The following ACSM4 variants were observed in gnomAD, a reference collection of about 807,000 sequenced individuals.
ACSM4 encodes acyl-coenzyme A synthetase ACSM4, mitochondrial.
A neutral mutation model predicts 73.0 loss-of-function variants in ACSM4; 66 were observed. The ratio of observed to expected loss-of-function variants is 0.90; its 90% CI spans 0.74 to 1.11. The LOEUF (loss-of-function observed/expected upper bound fraction) is 1.11. Among genes scored for constraint, ACSM4 ranks in the 50% least tolerant of loss-of-function variants. ACSM4 has a pLI of 0.00. For missense variants in ACSM4, 645 were observed against 714.4 expected (o/e 0.90, Z 1.11); for synonymous variants, 222 against 254.0 (o/e 0.87, Z 1.20).
rs1386641568 is a variant in ACSM4, at chr12:7,327,106, T to C, written c.1656+11T>C. The C allele has an allele frequency of 6.3e-7, 1 of 1,588,424 alleles. No individual in the cohort carries two copies. Among genetic ancestry groups the C allele is most frequent in the Non-Finnish European group, 8.6e-7 (1 of 1,167,716 alleles). ...AAATATCCAAGAAAGGCAAGTGCTT[T>C]GCCCAAAAGTTAAGTTTGGATGTTA... On this transcript the variant is annotated intron_variant, in intron 12 of 12. Coordinates refer to ENST00000399422, the MANE Select transcript of ACSM4 (RefSeq NM_001080454.2).
chr12:7,309,814 C>T (rs1468285045), intron 2 of ACSM4, among the ~76,000 whole-genome samples: 4 of 152,170 alleles, frequency 2.6e-5, no homozygotes, highest in South Asian at 2.1e-4. Context: ...GACAGAGTCT[C>T]ACTCTGTCAC....
chr12:7,327,176 T>G, intron 12 of ACSM4, 81 bp downstream of exon 12: 1 of 1,428,224 alleles, frequency 7.0e-7, no homozygotes. Flanking sequence ...TGGATTTTGA[T>G]TTTATAGTAG....
At position 7,313,477 on chromosome 12, in the gene ACSM4, G is replaced by C. The variant is rs761617441; in HGVS notation, c.620+2731G>C. On this transcript the variant is annotated intron_variant, in intron 3 of 12. Transcript: ENST00000399422. ...AATGTGGGCTAATTTTACATTGTTA[G>C]AGTTGATCTTTTATTCAATAAGTTC... is the stretch of plus-strand genomic sequence containing the variant. 3.9e-5 allele frequency among the ~76,000 whole-genome samples: 6 copies of C among 152,298 alleles called. No homozygotes were observed. The South Asian group carries it at 1.2e-3, about 32-fold the overall frequency.
At position 7,310,764 on chromosome 12, in the gene ACSM4, C is replaced by T; in HGVS notation, c.620+18C>T. 1 of 1,602,424 alleles carries T rather than the reference C, an allele frequency of 6.2e-7. No individual in the cohort carries two copies. Among genetic ancestry groups the T allele is most frequent in the East Asian group, 2.3e-5 (1 of 44,430 alleles). On this transcript the variant is annotated intron_variant, in intron 3 of 12. Coordinates refer to ENST00000399422, the MANE Select transcript of ACSM4 (RefSeq NM_001080454.2). ...TTATTTCAGTGAGTATTTTTCCCAG[C>T]CAATCTACACTGCTGGCAACAACAC...
Position 7,328,426 on chromosome 12 carries a change from A to C in ACSM4, c.*53A>C, listed in dbSNP as rs1207080076. The C allele has an allele frequency of 6.1e-6, 8 of 1,312,424 alleles. No homozygotes were observed. Among genetic ancestry groups the C allele is most frequent in the Non-Finnish European group, 8.3e-6 (8 of 961,594 alleles). 81.3% of individuals were successfully genotyped at this position (1,312,424 alleles called of 1,614,324 possible). A position where few individuals can be genotyped will look rare whatever the true frequency, so the allele number is the denominator to read the frequency against. On this transcript the variant is annotated 3_prime_UTR_variant, in exon 13 of 13. Transcript: ENST00000399422. ...AGTAATATGGTTGCTTTCTTTTAGT[A>C]TTTGTTCCGATAATTCAGCGACTAC...
chr12:7,319,589 CAA>C (rs757305753), intron 5 of ACSM4, among the ~76,000 whole-genome samples: 15 of 53,642 alleles, frequency 2.8e-4, no homozygotes, highest in Admixed American at 4.3e-4. Flanking sequence ...GACTCCGTCT[CAA>C]AAAAAAAAAA....
intron 3 of ACSM4, among the ~76,000 whole-genome samples, chr12:7,315,680 C>T (rs146777705): frequency 8.5e-4 from 129 of 152,100 alleles, no homozygotes; most frequent in Non-Finnish European, 1.4e-3. Context: ...GATACTGTAC[C>T]GGTTATTCAT....
At position 7,324,340 on chromosome 12, in the gene ACSM4, T is replaced by C. The variant is rs778242376; in HGVS notation, c.1376T>C (p.Met459Thr). 3.1e-6 allele frequency: 5 copies of C among 1,613,928 alleles called. No homozygotes were observed. Among genetic ancestry groups the C allele is most frequent in the Admixed American group, 1.7e-5 (1 of 59,998 alleles). ...DFYVTGDRGV[M>T]DSDGYFWFVG... ...TATGTCACTGGAGACAGAGGAGTGATGGACAGTGATGGGTATTTCTGGTTT... is the reference window on the plus strand; with the variant it reads ...TATGTCACTGGAGACAGAGGAGTGACGGACAGTGATGGGTATTTCTGGTTT... Residue 459 changes from methionine (M) to threonine (T), a missense_variant, in exon 10 of 13, where the codon ATG becomes ACG. Transcript: ENST00000399422.
intron 5 of ACSM4, 64 bp downstream of exon 5, chr12:7,318,246 A>G: frequency 2.5e-6 from 4 of 1,574,736 alleles, no homozygotes; most frequent in Non-Finnish European, 3.5e-6. Context: ...TAAAATCACA[A>G]AGAAATTATT....
chr12:7,313,659 G>C (rs991536962), intron 3 of ACSM4, among the ~76,000 whole-genome samples: 3 of 152,048 alleles, frequency 2.0e-5, no homozygotes, highest in African/African-American at 7.2e-5. Context: ...TGTCCTGTGG[G>C]GTCCAGGACT....
At chr12:7,310,807 T>C in intron 3 of ACSM4, 61 bp downstream of exon 3, 1 of 1,507,604 alleles carries the variant, frequency 6.6e-7, no homozygotes. Context: ...AGCTATATCT[T>C]GGAATCTCTT....
chr12:7,310,523 C>T lies in ACSM4; in HGVS notation c.413-16C>T. The T allele has an allele frequency of 6.3e-7, 1 of 1,592,594 alleles. No individual in the cohort carries two copies. The highest frequency in any genetic ancestry group is 8.5e-7 in the Non-Finnish European group (1 of 1,171,506). Reference sequence around the variant, plus strand: ...ACAGCAGTTCTGTTCAGTGCAGGGCCCTCTGTCCTTCCCAGGGATCATCTT... The same window carrying T: ...ACAGCAGTTCTGTTCAGTGCAGGGCTCTCTGTCCTTCCCAGGGATCATCTT... On this transcript the variant is annotated splice_polypyrimidine_tract_variant and intron_variant, in intron 2 of 12. Transcript: ENST00000399422.
In ACSM4 at chr12:7,320,729, T is replaced by C. The variant is rs759027626; in HGVS notation, c.926T>C (p.Leu309Pro). The change falls in exon 6 of 13, where the codon CTT becomes CCT. Residue 309 changes from leucine (L) to proline (P), a missense_variant. By Grantham distance (98) the Leu-to-Pro change is moderately conservative. Coordinates refer to ENST00000399422, the MANE Select transcript of ACSM4 (RefSeq NM_001080454.2). The stretch of plus-strand genomic sequence containing the variant: ...GTGTCTTTCTCCATCATCCAGACAC[T>C]TACTACTTATCCCATCACGACCCTG... The part of the protein sequence containing the change: ...QFDTDTFLDT[L>P]TTYPITTLCS... 2.9e-5 allele frequency: 47 copies of C among 1,613,112 alleles called. No homozygotes were observed. Among genetic ancestry groups the C allele is most frequent in the African/African-American group, 4.0e-5 (3 of 74,874 alleles).
At chr12:7,313,059 C>A (rs1003338798) in intron 3 of ACSM4, among the ~76,000 whole-genome samples, 3 of 152,096 alleles carry the variant, frequency 2.0e-5, no homozygotes, top group African/African-American at 7.2e-5. Flanking sequence ...GTGACAGAGA[C>A]CCTGTCTAAA....
chr12:7,324,485 C>T lies in ACSM4; in HGVS notation c.1437-14C>T, dbSNP rs761401454. ...TGGAGGATGTGGTGGTCAAAAACTTCTTTTCCTCTTCAGGTACCGTATTGG... is the reference window on the plus strand; with the variant it reads ...TGGAGGATGTGGTGGTCAAAAACTTTTTTTCCTCTTCAGGTACCGTATTGG... On this transcript the variant is annotated splice_polypyrimidine_tract_variant and intron_variant, in intron 10 of 12. Transcript: ENST00000399422. 2 of 1,613,940 alleles carry T rather than the reference C, an allele frequency of 1.2e-6. No homozygotes were observed. Among genetic ancestry groups the T allele is most frequent in the Admixed American group, 3.3e-5 (2 of 60,012 alleles).
chr12:7,323,344 G>T (rs768407617), intron 8 of ACSM4, 30 bp downstream of exon 8: 10 of 1,601,124 alleles, frequency 6.2e-6, no homozygotes, highest in South Asian at 5.6e-5. Flanking sequence ...GACTGGTTCA[G>T]TAAAGGAGAG....
At chr12:7,311,581 A>G (rs1348900864) in intron 3 of ACSM4, among the ~76,000 whole-genome samples, 3 of 152,228 alleles carry the variant, frequency 2.0e-5, no homozygotes, top group Non-Finnish European at 4.4e-5. Context: ...CTGAATTATC[A>G]TGCCCATTCA....
chr12:7,325,202 T>A lies in ACSM4; in HGVS notation c.1536+604T>A, dbSNP rs187783520. ...CCTTGGAAGTAGGTGTTGGTGTCAGTCCCACCAGAGAGAAGTTAGGGTAAT... is the reference window on the plus strand; with the variant it reads ...CCTTGGAAGTAGGTGTTGGTGTCAGACCCACCAGAGAGAAGTTAGGGTAAT... On this transcript the variant is annotated intron_variant, in intron 11 of 12. Coordinates refer to ENST00000399422, the MANE Select transcript of ACSM4 (RefSeq NM_001080454.2). 8.3e-4 allele frequency among the ~76,000 whole-genome samples: 126 copies of A among 152,312 alleles called. 2 individuals carry two copies. The East Asian group carries it at 0.011, about 14-fold the overall frequency.
At chr12:7,309,462 A>G (rs1331273213) in intron 2 of ACSM4, among the ~76,000 whole-genome samples, 1 of 152,242 alleles carries the variant, frequency 6.6e-6, no homozygotes, top group African/African-American at 2.4e-5. Flanking sequence ...ATGTGCTTCT[A>G]CTGCACTAAT....
Sources: gnomAD v4.1 joint callset for allele counts (sites outside exome capture counted in the v4.1 genomes callset) on GRCh38, gnomAD v4.1.1 for gene constraint, MANE v1.5 for transcripts, NCBI Gene and HGNC (gene_info 2026-07-23, HGNC 2026-07-21) for gene names.